NKAIN3: variants seen among roughly 807,000 people sequenced by gnomAD.
NKAIN3 encodes the protein sodium/potassium transporting ATPase interacting 3, also known as sodium/potassium-transporting ATPase subunit beta-1-interacting protein 3.
A neutral mutation model predicts 30.2 loss-of-function variants in NKAIN3; 25 were observed. That is an observed-to-expected ratio of 0.83 (90% CI 0.60 to 1.16). The LOEUF is 1.16. Among genes scored for constraint, NKAIN3 ranks in the 50% most tolerant of loss-of-function variants. The pLI, the probability that NKAIN3 is intolerant of heterozygous loss-of-function variation, is 0.00. For missense variants in NKAIN3, 225 were observed against 254.1 expected (o/e 0.89, Z 0.78); for synonymous variants, 91 against 89.6 (o/e 1.02, Z -0.09).
chr8:62,637,654 C>T (rs1812176096), intron 3 of NKAIN3, among the ~76,000 whole-genome samples: 1 of 152,202 alleles, frequency 6.6e-6, no homozygotes, highest in African/African-American at 2.4e-5. Flanking sequence ...GGGCATTTGT[C>T]ATTAATTCAT....
chr8:62,533,915 T>C (rs188444039), intron 1 of NKAIN3, among the ~76,000 whole-genome samples: 1 of 152,276 alleles, frequency 6.6e-6, no homozygotes, highest in East Asian at 1.9e-4. Flanking sequence ...ATGAAAGAAA[T>C]ACCACAAACT....
chr8:62,454,651 G>A lies in NKAIN3; in HGVS notation c.55-124888G>A, dbSNP rs1397657326. Reference sequence around the variant, plus strand: ...GAATCATGAGTAACATAGCAATTCAGCATTCCTGACATTGAATATTAAGTG... The same window carrying A: ...GAATCATGAGTAACATAGCAATTCAACATTCCTGACATTGAATATTAAGTG... On this transcript the variant is annotated intron_variant, in intron 1 of 6. Transcript: ENST00000623646. Among the ~76,000 whole-genome samples, 3 of 152,258 alleles carry A rather than the reference G, an allele frequency of 2.0e-5. No homozygotes were observed. The East Asian group carries it at 5.8e-4, about 29-fold the overall frequency.
chr8:62,402,792 T>A (rs1174152086), intron 1 of NKAIN3, among the ~76,000 whole-genome samples: 1 of 152,050 alleles, frequency 6.6e-6, no homozygotes, highest in Non-Finnish European at 1.5e-5. Context: ...ATACAGTAAA[T>A]TGGTACCGCA....
chr8:62,250,817 A>G (rs79263508), intron 1 of NKAIN3, among the ~76,000 whole-genome samples: 2,201 of 152,302 alleles, frequency 0.014, 49 homozygotes, highest in African/African-American at 0.048. Flanking sequence ...CTTATCTTAA[A>G]ATTCCATTTT....
chr8:62,531,561 G>A (rs1808491959), intron 1 of NKAIN3, among the ~76,000 whole-genome samples: 1 of 152,242 alleles, frequency 6.6e-6, no homozygotes, highest in East Asian at 1.9e-4. Flanking sequence ...ATTTTAAGGA[G>A]CTAATCACAT....
At chr8:62,617,353 A>T (rs1030402540) in intron 3 of NKAIN3, among the ~76,000 whole-genome samples, 2 of 152,338 alleles carry the variant, frequency 1.3e-5, no homozygotes, top group East Asian at 3.9e-4. Flanking sequence ...ATGGGCACAG[A>T]TATGTACGTT....
chr8:62,331,782 C>T (rs768641159), intron 1 of NKAIN3, among the ~76,000 whole-genome samples: 12 of 152,106 alleles, frequency 7.9e-5, no homozygotes, highest in African/African-American at 2.9e-4. Flanking sequence ...TAGGTTATTA[C>T]GTATGTTGTC....
intron 3 of NKAIN3, among the ~76,000 whole-genome samples, chr8:62,611,085 A>T (rs534865361): frequency 4.9e-4 from 74 of 152,304 alleles, no homozygotes; most frequent in Admixed American, 5.2e-4. Context: ...TTTAGCACTG[A>T]GAATTAAAAA....
At chr8:62,865,892 A>G (rs1820399981) in intron 4 of NKAIN3, among the ~76,000 whole-genome samples, 1 of 152,184 alleles carries the variant, frequency 6.6e-6, no homozygotes, top group African/African-American at 2.4e-5. Flanking sequence ...TGTTGCATGT[A>G]GCCGACTTTA....
chr8:62,741,420 AAGGCAGGC>A (rs142133652), intron 3 of NKAIN3, among the ~76,000 whole-genome samples: 7,457 of 136,394 alleles, frequency 0.055, 247 homozygotes, highest in Non-Finnish European at 0.062. Flanking sequence ...GGAAGGAAGG[AAGGCAGGC>A]AAGCAAGCAA....
chr8:62,441,334 T>C (rs1461386032), intron 1 of NKAIN3, among the ~76,000 whole-genome samples: 1 of 152,076 alleles, frequency 6.6e-6, no homozygotes, highest in Non-Finnish European at 1.5e-5. Context: ...ATTATAGATG[T>C]CTTTGAAAAG....
chr8:62,299,421 G>T (rs1244339904), intron 1 of NKAIN3, among the ~76,000 whole-genome samples: 1 of 152,086 alleles, frequency 6.6e-6, no homozygotes, highest in Non-Finnish European at 1.5e-5. Context: ...TTGATGATGG[G>T]ATTGGAAATG....
chr8:62,756,324 T>C (rs1816450773), intron 4 of NKAIN3, among the ~76,000 whole-genome samples: 1 of 152,216 alleles, frequency 6.6e-6, no homozygotes, highest in African/African-American at 2.4e-5. Context: ...ATATGTCATA[T>C]AAATGTGGTC....
chr8:62,590,122 G>A (rs1468443583), intron 3 of NKAIN3, among the ~76,000 whole-genome samples: 1 of 151,616 alleles, frequency 6.6e-6, no homozygotes. Flanking sequence ...TAAATATTAA[G>A]TAGAAAATGG....
intron 1 of NKAIN3, among the ~76,000 whole-genome samples, chr8:62,510,795 T>C (rs1434249859): frequency 6.6e-6 from 1 of 152,116 alleles, no homozygotes; most frequent in African/African-American, 2.4e-5. Flanking sequence ...GTAAATCCCA[T>C]GGTCAGCTTT....
chr8:62,988,983 C>A (rs1824260917), downstream of NKAIN3, among the ~76,000 whole-genome samples: 1 of 152,198 alleles, frequency 6.6e-6, no homozygotes. Flanking sequence ...ATCTCTAGGA[C>A]AGGGGCAAAA....
intron 5 of NKAIN3, among the ~76,000 whole-genome samples, chr8:62,940,232 T>C (rs1333610544): frequency 6.6e-6 from 1 of 151,040 alleles, no homozygotes; most frequent in African/African-American, 2.4e-5. Flanking sequence ...CCTAAATATA[T>C]ATGCATCTAA....
intron 1 of NKAIN3, among the ~76,000 whole-genome samples, chr8:62,450,634 T>C (rs1470646388): frequency 6.6e-6 from 1 of 152,188 alleles, no homozygotes; most frequent in Non-Finnish European, 1.5e-5. Context: ...TTCACTGGCC[T>C]GTTCAAATCA....
intron 3 of NKAIN3, among the ~76,000 whole-genome samples, chr8:62,656,491 GAAA>G (rs1812768865): frequency 6.6e-6 from 1 of 151,626 alleles, no homozygotes; most frequent in Non-Finnish European, 1.5e-5. Context: ...AAGAAAGAAA[GAAA>G]GAAAAAAAGG....
Sources: gnomAD v4.1 joint callset for allele counts (sites outside exome capture counted in the v4.1 genomes callset) on GRCh38, gnomAD v4.1.1 for gene constraint, MANE v1.5 for transcripts, NCBI Gene and HGNC (gene_info 2026-07-23, HGNC 2026-07-21) for gene names.